Variants in ITSN2 observed in about 807,000 individuals in gnomAD.
The protein encoded by ITSN2 is intersectin 2.
A neutral mutation model predicts 243.7 loss-of-function variants in ITSN2; 156 were observed. The observed-to-expected ratio is 0.64, with a 90% CI of 0.56 to 0.73. The LOEUF (loss-of-function observed/expected upper bound fraction) is 0.73. Among genes scored for constraint, ITSN2 ranks in the 30% least tolerant of loss-of-function variants. The pLI, the probability that ITSN2 is intolerant of heterozygous loss-of-function variation, is 0.00. For missense variants in ITSN2, 1,801 were observed against 1,996.1 expected, an observed-to-expected ratio of 0.90 and a Z score of 1.86; for synonymous variants, 703 against 699.9, an observed-to-expected ratio of 1.00 and a Z score of -0.07.
chr2:24,251,903 C>T (rs946106075), intron 25 of ITSN2, among the ~76,000 whole-genome samples: 22 of 151,922 alleles, frequency 1.4e-4, no homozygotes, highest in Admixed American at 1.2e-3. Flanking sequence ...TTCCTGAAAC[C>T]AAAAAGAGAA....
chr2:24,300,060 T>A lies in ITSN2; in HGVS notation c.1193A>T (p.Gln398Leu). 6.2e-7 allele frequency: 1 copy of A among 1,614,222 alleles called. No individual in the cohort carries two copies. The highest frequency in any genetic ancestry group is 8.5e-7 in the Non-Finnish European group (1 of 1,180,042). The change falls in exon 12 of 40, where the codon CAG (glutamine) becomes CTG (leucine). Residue 398 changes from glutamine (Q) to leucine (L), a missense_variant. Physicochemically the swap from Gln to Leu is moderately radical, Grantham distance 113 (BLOSUM62 -2). This residue lies in a region of ITSN2 where 787 missense variants were observed against 803.9 expected (regional missense o/e 0.98). Transcript: ENST00000355123. ...TCGTTCCCACTCTTCCTTTTCTTTC[T>A]GGGCTTTACGTTCTGCCTCCCTTTG... The part of the protein sequence containing the change: ...QQQREAERKA[Q>L]KEKEEWERKQ...
In ITSN2 at chr2:24,204,346, A is replaced by T. The variant is rs1477640111; in HGVS notation, c.4835T>A (p.Leu1612His). The change falls in exon 39 of 40, where the codon CTC (leucine) becomes CAC (histidine). Residue 1612 changes from leucine (L) to histidine (H), a missense_variant. By Grantham distance (99) the Leu-to-His change is moderately conservative (BLOSUM62 -3). This residue lies in a region of ITSN2 where 928 missense variants were observed against 1,065.4 expected (regional missense o/e 0.87). Transcript: ENST00000355123. This position sits in a 1 kb window ranked among gnomAD's most constrained non-coding sequence, Gnocchi z 5.1. Reference sequence around the variant, plus strand: ...GCAGTTAAAATTCCACTTGGGATTGAGTGTGTCCTGGATGGTCCTGGTGGT... The same window carrying T: ...GCAGTTAAAATTCCACTTGGGATTGTGTGTGTCCTGGATGGTCCTGGTGGT... Reference protein sequence around the residue: ...SYTTRTIQDTLNPKWNFNCQF... With the variant: ...SYTTRTIQDTHNPKWNFNCQF... The T allele has an allele frequency of 6.2e-7, 1 of 1,614,132 alleles. No homozygotes were observed. The highest frequency in any genetic ancestry group is 2.2e-5 in the East Asian group (1 of 44,894).
At position 24,321,490 on chromosome 2, in the gene ITSN2, A is replaced by C. The variant is rs139908958; in HGVS notation, c.32-6266T>G. On this transcript the variant is annotated intron_variant, in intron 2 of 39. Coordinates refer to ENST00000355123, the MANE Select transcript of ITSN2 (RefSeq NM_006277.3). ...TAAATGACTGGATTAAAAAATCTAT[A>C]AATATCCTCTCTTAAAGAGAAGTTT... 8.6e-4 allele frequency among the ~76,000 whole-genome samples: 131 copies of C among 152,314 alleles called. 1 individual carries two copies. The highest frequency in any genetic ancestry group is 1.5e-3 in the Non-Finnish European group (101 of 68,024).
At chr2:24,248,094 A>G (rs1673624394) in intron 27 of ITSN2, among the ~76,000 whole-genome samples, 1 of 152,164 alleles carries the variant, frequency 6.6e-6, no homozygotes, top group Non-Finnish European at 1.5e-5. Context: ...AGGAAATAAT[A>G]GAAGTGAGAG....
chr2:24,261,279 T>C (rs773504683), intron 21 of ITSN2, 29 bp from the exon 22 acceptor site: 7 of 1,539,340 alleles, frequency 4.5e-6, no homozygotes, highest in Non-Finnish European at 6.3e-6. Context: ...GATATAAGTA[T>C]ATTTATTTGT....
intron 11 of ITSN2, 26 bp from the exon 12 acceptor site, chr2:24,300,197 C>T (rs1681545569): frequency 1.9e-6 from 3 of 1,611,780 alleles, no homozygotes; most frequent in East Asian, 2.2e-5. Context: ...CTATCAGCAT[C>T]CACACACATT....
intron 18 of ITSN2, among the ~76,000 whole-genome samples, chr2:24,275,177 T>C (rs1474023456): frequency 1.3e-5 from 2 of 152,234 alleles, no homozygotes; most frequent in Non-Finnish European, 2.9e-5. Context: ...AATGAGTGTT[T>C]ACTATGTGCA....
intron 8 of ITSN2, among the ~76,000 whole-genome samples, chr2:24,306,580 T>C (rs72855440): frequency 0.011 from 1,705 of 152,348 alleles, 29 homozygotes; most frequent in African/African-American, 0.039. Flanking sequence ...GTAAATATAC[T>C]GTCATTTATC....
chr2:24,217,438 C>T (rs1670071114), intron 31 of ITSN2, among the ~76,000 whole-genome samples: 1 of 152,168 alleles, frequency 6.6e-6, no homozygotes, highest in Admixed American at 6.5e-5. Flanking sequence ...CAGAGAGGCA[C>T]TATCCCTGAG....
At chr2:24,245,305 C>A (rs1673208103) in intron 29 of ITSN2, among the ~76,000 whole-genome samples, 1 of 152,106 alleles carries the variant, frequency 6.6e-6, no homozygotes, top group South Asian at 2.1e-4. Context: ...AGGTGACTAT[C>A]TAAAGAATCA....
At chr2:24,281,490 C>T (rs566270368) in intron 17 of ITSN2, among the ~76,000 whole-genome samples, 1 of 152,190 alleles carries the variant, frequency 6.6e-6, no homozygotes, top group South Asian at 2.1e-4. Context: ...CTCTTCTGTC[C>T]CTCTCTCTTT....
In ITSN2 at chr2:24,313,541, A is replaced by G. The variant is rs1430391511; in HGVS notation, c.125-18T>C. The G allele has an allele frequency of 1.2e-6, 2 of 1,600,188 alleles. No individual in the cohort carries two copies. The highest frequency in any genetic ancestry group is 1.7e-6 in the Non-Finnish European group (2 of 1,168,432). On this transcript the variant is annotated intron_variant, in intron 3 of 39. Transcript: ENST00000355123. ...TTGATCACCTGGAGGTAATAAAAAC[A>G]AAACCCAAGCAGCACATTAGTAAAT... is the stretch of plus-strand genomic sequence containing the variant.
chr2:24,281,059 G>A (rs1678711457), intron 17 of ITSN2, among the ~76,000 whole-genome samples: 1 of 152,072 alleles, frequency 6.6e-6, no homozygotes, highest in Non-Finnish European at 1.5e-5. Context: ...ACAGAGTTTT[G>A]CTCTTGTTGC....
At position 24,298,783 on chromosome 2, in the gene ITSN2, C is replaced by T. The variant is rs151243708; in HGVS notation, c.1376G>A (p.Arg459His). The T allele has an allele frequency of 2.2e-4, 355 of 1,603,060 alleles. 2 individuals carry two copies. In the East Asian group the frequency reaches 4.4e-3, roughly 20 times the overall value. The change falls in exon 13 of 40, where the codon CGC (arginine) becomes CAC (histidine). Residue 459 changes from arginine (R) to histidine (H), a missense_variant. By Grantham distance (29) the Arg-to-His change is conservative (BLOSUM62 0). Transcript: ENST00000355123. ...TCGCCGAATTCTCTCCCATTCTAAG[C>T]GACGTTGTCGTTCAAGTTCCTGTTT... ...AAKQELERQR[R>H]LEWERIRRQE...
intron 33 of ITSN2, among the ~76,000 whole-genome samples, 171 bp downstream of exon 33, chr2:24,212,479 G>A (rs1669577776): frequency 6.6e-6 from 1 of 151,936 alleles, no homozygotes; most frequent in South Asian, 2.1e-4. Context: ...GTGTTTCTGT[G>A]CACACACACA....
rs1669117545 is a variant in ITSN2, at chr2:24,208,279, A to G, written c.4636T>C (p.Tyr1546His). Residue 1546 changes from tyrosine (Y) to histidine (H), a missense_variant, in exon 37 of 40, where the codon TAC (tyrosine) becomes CAC (histidine). Coordinates refer to ENST00000355123, the MANE Select transcript of ITSN2 (RefSeq NM_006277.3). The stretch of plus-strand genomic sequence containing the variant: ...CGCTTCTTCTTCTCGGTGTCGATGT[A>G]CTGCTCAGACGCCGCCTTGATCTTC... Reference protein sequence around the residue: ...VQKIKAASEQYIDTEKKKREK... With the variant: ...VQKIKAASEQHIDTEKKKREK... The G allele has an allele frequency of 2.5e-6, 4 of 1,611,108 alleles. No homozygotes were observed. Among genetic ancestry groups the G allele is most frequent in the Middle Eastern group, 1.7e-4 (1 of 6,060 alleles).
chr2:24,286,497 C>G, intron 15 of ITSN2, 146 bp from the exon 16 acceptor site: 2 of 583,166 alleles, frequency 3.4e-6, no homozygotes, highest in South Asian at 4.9e-5. Flanking sequence ...AGAAAACATT[C>G]AGTTGTTATT....
At position 24,258,051 on chromosome 2, in the gene ITSN2, A is replaced by G. The variant is rs772300952; in HGVS notation, c.2725T>C (p.Trp909Arg). The change falls in exon 23 of 40, where the codon TGG (tryptophan) becomes CGG (arginine). Residue 909 changes from tryptophan to arginine, a missense_variant. By Grantham distance (101) the Trp-to-Arg change is moderately radical (BLOSUM62 -3). Coordinates refer to ENST00000355123, the MANE Select transcript of ITSN2 (RefSeq NM_006277.3). ...AAGTGGTTATCTTTCTTTGCAGTCC[A>G]GGAACAAAGGGCCTGTGCTTTTAAG... The part of the protein sequence containing the change: ...ENLKAQALCS[W>R]TAKKDNHLNF... 6.2e-7 allele frequency: 1 copy of G among 1,614,176 alleles called. No individual in the cohort carries two copies. Among genetic ancestry groups the G allele is most frequent in the Non-Finnish European group, 8.5e-7 (1 of 1,180,004 alleles).
chr2:24,210,306 TAGG>T (rs976710960), intron 34 of ITSN2: 4 of 435,408 alleles, frequency 9.2e-6, no homozygotes, highest in African/African-American at 7.9e-5. Context: ...GTTCTCTCCT[TAGG>T]AGAAAGGAAG....
Sources: allele counts gnomAD v4.1 joint callset (sites outside exome capture counted in the v4.1 genomes callset), GRCh38; gene constraint gnomAD v4.1.1; regional missense constraint gnomAD v4.1.1; non-coding constraint Gnocchi (gnomAD v3.1); transcripts MANE v1.5; gene names NCBI Gene and HGNC (gene_info 2026-07-23, HGNC 2026-07-21).